Variants in RCHY1 observed in about 807,000 individuals in gnomAD.
RCHY1 encodes RING finger and CHY zinc finger domain-containing protein 1.
RCHY1 carries 21 observed loss-of-function variants against 41.6 expected under a neutral mutation model. The observed-to-expected ratio is 0.51, with a 90% CI of 0.36 to 0.73. The LOEUF (loss-of-function observed/expected upper bound fraction) is 0.73, where lower values mean the gene tolerates loss of function less well. Ranked by LOEUF, RCHY1 falls within the 30% of genes least tolerant of loss-of-function variation. The pLI, the probability that RCHY1 is intolerant of heterozygous loss-of-function variation, is 0.00. For missense variants in RCHY1, 265 were observed against 325.3 expected, an observed-to-expected ratio of 0.81 and a Z score of 1.43; for synonymous variants, 79 against 102.9, an observed-to-expected ratio of 0.77 and a Z score of 1.41.
In RCHY1 at chr4:75,490,782, T is replaced by C; in HGVS notation, c.537-81A>G. The C allele has an allele frequency of 3.8e-6, 4 of 1,049,390 alleles. 1 individual carries two copies. In the South Asian group the frequency reaches 6.6e-5, roughly 17 times the overall value. 65.0% of individuals were successfully genotyped at this position (1,049,390 alleles called of 1,614,324 possible). On this transcript the variant is annotated intron_variant, in intron 7 of 8. Transcript: ENST00000324439. Reference sequence around the variant, plus strand: ...GGTATACAAGAAGATGCAGGCTAACTGCCACATGAACCATTCAAAACAGGC... The same window carrying C: ...GGTATACAAGAAGATGCAGGCTAACCGCCACATGAACCATTCAAAACAGGC...
intron 3 of RCHY1, among the ~76,000 whole-genome samples, chr4:75,501,948 C>G (rs543599363): frequency 6.6e-6 from 1 of 152,098 alleles, no homozygotes; most frequent in South Asian, 2.1e-4. Context: ...CATGGTGGCA[C>G]ATGCCTGTAA....
chr4:75,503,122 T>C (rs994904134), intron 3 of RCHY1, among the ~76,000 whole-genome samples: 8 of 152,224 alleles, frequency 5.3e-5, no homozygotes, highest in Admixed American at 1.3e-4. Context: ...TTGCACATTA[T>C]AGGATGTTTA....
At chr4:75,514,579 G>A (rs1228205374), upstream of RCHY1, 1 of 300,580 alleles carries the variant, frequency 3.3e-6, no homozygotes, top group East Asian at 5.5e-5. Context: ...ATCTCAGGGC[G>A]TAGTTCGGCG....
intron 8 of RCHY1, among the ~76,000 whole-genome samples, chr4:75,487,505 A>G (rs1322817234): frequency 1.5e-5 from 2 of 132,612 alleles, no homozygotes; most frequent in African/African-American, 2.8e-5. Flanking sequence ...CATAATATAT[A>G]TATTCATAAT....
chr4:75,511,261 T>C (rs1724844398), intron 1 of RCHY1, among the ~76,000 whole-genome samples: 1 of 152,200 alleles, frequency 6.6e-6, no homozygotes, highest in Admixed American at 6.5e-5. Context: ...TCTTTAGGTA[T>C]TGAAGAAAAT....
At position 75,482,629 on chromosome 4, in the gene RCHY1, T is replaced by C. The variant is rs772587125; in HGVS notation, c.695A>G (p.Gln232Arg). 1.2e-6 allele frequency: 2 copies of C among 1,611,058 alleles called. No homozygotes were observed. The highest frequency in any genetic ancestry group is 1.7e-6 in the Non-Finnish European group (2 of 1,177,710). Residue 232 changes from glutamine to arginine, a missense_variant, in exon 9 of 9, where the codon CAG (glutamine) becomes CGG (arginine). Coordinates refer to ENST00000324439, the MANE Select transcript of RCHY1 (RefSeq NM_015436.4). Reference protein sequence around the residue: ...CNDCNGRSTVQFHILGMKCKI... With the variant: ...CNDCNGRSTVRFHILGMKCKI... ...ACATTTCATGCCTAATATATGAAAC[T>C]GAACAGTGGATCGTCCATTACAGTC...
chr4:75,479,181 A>G lies in RCHY1; in HGVS notation c.*3357T>C, dbSNP rs186130770. ...AATGGTATGAGGCAATAAATTTATT[A>G]CATTGATTTAATCATTCTACACTGT... On this transcript the variant is annotated 3_prime_UTR_variant, in exon 9 of 9. Coordinates refer to ENST00000324439, the MANE Select transcript of RCHY1 (RefSeq NM_015436.4). 1 of 152,290 alleles carries G rather than the reference A, an allele frequency of 6.6e-6. No homozygotes were observed. The highest frequency in any genetic ancestry group is 1.9e-4 in the East Asian group (1 of 5,190). 9.4% of individuals were successfully genotyped at this position (152,290 alleles called of 1,614,324 possible).
At position 75,512,907 on chromosome 4, in the gene RCHY1, G is replaced by T. The variant is rs962248197; in HGVS notation, c.90+1290C>A. Among the ~76,000 whole-genome samples, 322 of 126,686 alleles carry T rather than the reference G, an allele frequency of 2.5e-3. 5 individuals carry two copies. The highest frequency in any genetic ancestry group is 8.7e-3 in the African/African-American group (277 of 31,706). The allele number at this position is 126,686 out of a possible 152,430, so 83.1% of individuals were successfully genotyped here. A position where few individuals can be genotyped will look rare whatever the true frequency, so the allele number is the denominator to read the frequency against. On this transcript the variant is annotated intron_variant, in intron 1 of 8. Transcript: ENST00000324439. ...CACTTGGCCTCTGGTATTTAAGGGG[G>T]GGGGGGGGGCGGGGGAAGGCAAAAA...
At chr4:75,514,551 C>A, upstream of RCHY1, 1 of 370,080 alleles carries the variant, frequency 2.7e-6, no homozygotes, top group Non-Finnish European at 4.9e-6. Flanking sequence ...TGTTTTCCCC[C>A]AATCGCTACC....
rs1722926630 is a variant in RCHY1 at position 75,493,478 on chromosome 4, C to T, written c.405+623G>A. ...GTCTATCTGTCTCTCTCTCTCTCAA[C>T]AGCTACAATGTTGCTACTTATACTG... On this transcript the variant is annotated intron_variant, in intron 4 of 8. Transcript: ENST00000324439. Among the ~76,000 whole-genome samples the T allele has an allele frequency of 1.3e-5, 2 of 151,832 alleles. 1 individual carries two copies. Among genetic ancestry groups the T allele is most frequent in the South Asian group, 4.1e-4 (2 of 4,834 alleles).
At chr4:75,500,089 C>T (rs1723608407) in intron 3 of RCHY1, among the ~76,000 whole-genome samples, 1 of 152,000 alleles carries the variant, frequency 6.6e-6, no homozygotes, top group South Asian at 2.1e-4. Context: ...TGCAGTGAGT[C>T]ATGATTGTGC....
intron 4 of RCHY1, among the ~76,000 whole-genome samples, chr4:75,493,390 A>T (rs942327471): frequency 6.6e-6 from 1 of 151,854 alleles, no homozygotes; most frequent in African/African-American, 2.4e-5. Flanking sequence ...TCTTATTCTT[A>T]TATTCTATCG....
Position 75,509,163 on chromosome 4 carries a change from T to A in RCHY1, c.210+14A>T. 2 of 1,602,950 alleles carry A rather than the reference T, an allele frequency of 1.2e-6. No homozygotes were observed. The highest frequency in any genetic ancestry group is 2.2e-5 in the South Asian group (2 of 89,436). ...AGCTTTTAAAAAGAAAATAGAAATG[T>A]CATAAAATCTTACATGTTGAATTTT... On this transcript the variant is annotated intron_variant, in intron 2 of 8. Coordinates refer to ENST00000324439, the MANE Select transcript of RCHY1 (RefSeq NM_015436.4).
intron 8 of RCHY1, among the ~76,000 whole-genome samples, chr4:75,486,207 A>G (rs1308293786): frequency 6.6e-6 from 1 of 152,292 alleles, no homozygotes; most frequent in Middle Eastern, 3.4e-3. Context: ...TCTGCCCTTC[A>G]TAGCCCTCCT....
chr4:75,500,225 C>A (rs1723624699), intron 3 of RCHY1, among the ~76,000 whole-genome samples: 1 of 152,086 alleles, frequency 6.6e-6, no homozygotes, highest in Admixed American at 6.6e-5. Flanking sequence ...ACATGTAGTC[C>A]AAAAATATGT....
At chr4:75,511,553 A>G (rs984848958) in intron 1 of RCHY1, among the ~76,000 whole-genome samples, 4 of 152,220 alleles carry the variant, frequency 2.6e-5, no homozygotes, top group Admixed American at 2.0e-4. Context: ...TCCTCAAGAC[A>G]ACCCTCTAAT....
At position 75,514,283 on chromosome 4, in the gene RCHY1, C is replaced by T. The variant is rs770347832; in HGVS notation, c.4G>A (p.Ala2Thr). Reference sequence around the variant, plus strand: ...GCGCCATCTTCCCGGGCCGTCGCCGCCATCTCCTCCACCTCCCCTCACATT... The same window carrying T: ...GCGCCATCTTCCCGGGCCGTCGCCGTCATCTCCTCCACCTCCCCTCACATT... M[A>T]ATAREDGASG... The change falls in exon 1 of 9, where the codon GCG becomes ACG. Residue 2 changes from alanine (A) to threonine (T), a missense_variant. Coordinates refer to ENST00000324439, the MANE Select transcript of RCHY1 (RefSeq NM_015436.4). The T allele has an allele frequency of 6.2e-7, 1 of 1,612,330 alleles. No individual in the cohort carries two copies. The highest frequency in any genetic ancestry group is 1.1e-5 in the South Asian group (1 of 91,008).
Position 75,482,638 on chromosome 4 carries a change from G to GA in RCHY1, c.685dup (p.Ser229PhefsTer13), listed in dbSNP as rs1258137870. On this transcript the variant is annotated frameshift_variant, in exon 9 of 9. Coordinates refer to ENST00000324439, the MANE Select transcript of RCHY1 (RefSeq NM_015436.4). LOFTEE classifies it high-confidence loss of function. Reference sequence around the variant, plus strand: ...GCCTAATATATGAAACTGAACAGTGGATCGTCCATTACAGTCATTGCAGAG... The same window carrying GA: ...GCCTAATATATGAAACTGAACAGTGGAATCGTCCATTACAGTCATTGCAGAG... 3.7e-6 allele frequency: 6 copies of GA among 1,610,154 alleles called. No homozygotes were observed. The African/African-American group carries it at 8.0e-5, about 22-fold the overall frequency.
chr4:75,511,115 G>A (rs1724819751), intron 1 of RCHY1, among the ~76,000 whole-genome samples: 1 of 152,088 alleles, frequency 6.6e-6, no homozygotes, highest in Non-Finnish European at 1.5e-5. Flanking sequence ...AAAATCTATT[G>A]CTCTATCTTG....
Sources: allele counts gnomAD v4.1 joint callset (sites outside exome capture counted in the v4.1 genomes callset), GRCh38; gene constraint gnomAD v4.1.1; transcripts MANE v1.5; gene names NCBI Gene and HGNC (gene_info 2026-07-23, HGNC 2026-07-21).